The following RARB variants were observed in gnomAD, a reference collection of about 807,000 sequenced individuals.
RARB encodes retinoic acid receptor beta, also known as HBV-activated protein.
A neutral mutation model predicts 51.9 loss-of-function variants in RARB; 17 were observed. The observed-to-expected ratio is 0.33, with a 90% CI of 0.22 to 0.49. The LOEUF is 0.49. Ranked by LOEUF, RARB falls within the 20% of genes least tolerant of loss-of-function variation. RARB has a pLI of 0.99. For missense variants in RARB, 369 were observed against 550.8 expected (o/e 0.67, Z 3.30); for synonymous variants, 215 against 195.4 (o/e 1.10, Z -0.84).
intron 5 of RARB, among the ~76,000 whole-genome samples, chr3:25,587,115 A>G (rs1284815930): frequency 1.3e-5 from 2 of 152,008 alleles, no homozygotes; most frequent in Non-Finnish European, 2.9e-5. Flanking sequence ...TCACCAATTG[A>G]ATAAGTAGAA....
intron 2 of RARB, among the ~76,000 whole-genome samples, chr3:25,485,480 A>C (rs973225686): frequency 1.3e-5 from 2 of 152,212 alleles, no homozygotes; most frequent in Non-Finnish European, 2.9e-5. Context: ...TTTAAAGGCC[A>C]ATGTGCAACA....
At chr3:25,260,527 A>G (rs1225091249) in intron 5 of RARB, among the ~76,000 whole-genome samples, 2 of 152,130 alleles carry the variant, frequency 1.3e-5, no homozygotes, top group Non-Finnish European at 2.9e-5. Context: ...TTCTTAATCA[A>G]AAATCCGAGA....
chr3:25,231,619 G>A (rs1055656966), intron 5 of RARB, among the ~76,000 whole-genome samples: 4 of 152,026 alleles, frequency 2.6e-5, no homozygotes, highest in Non-Finnish European at 4.4e-5. Context: ...TTTTAAATTA[G>A]CCATTCTAGT....
intron 5 of RARB, among the ~76,000 whole-genome samples, chr3:25,330,631 T>C (rs1445718549): frequency 6.6e-6 from 1 of 152,146 alleles, no homozygotes; most frequent in East Asian, 1.9e-4. Context: ...CCAGCTAACA[T>C]CATAATGACA....
intron 1 of RARB, among the ~76,000 whole-genome samples, chr3:25,455,410 A>T (rs974763507): frequency 3.9e-5 from 6 of 152,178 alleles, no homozygotes; most frequent in African/African-American, 1.4e-4. Context: ...TAACCTCAAG[A>T]ATTCCCCTGC....
intron 5 of RARB, among the ~76,000 whole-genome samples, chr3:25,373,138 C>A (rs1483289510): frequency 6.6e-6 from 1 of 152,116 alleles, no homozygotes; most frequent in Non-Finnish European, 1.5e-5. Flanking sequence ...AACAGTCAAG[C>A]AGGCTGTTAG....
chr3:25,067,632 C>T (rs62228539), intron 3 of RARB, among the ~76,000 whole-genome samples: 11,766 of 152,178 alleles, frequency 0.077, 489 homozygotes, highest in Middle Eastern at 0.1. Context: ...AGTACCATAC[C>T]TACCCTGTAA....
At chr3:25,554,454 T>C (rs1427654010) in intron 3 of RARB, among the ~76,000 whole-genome samples, 1 of 152,116 alleles carries the variant, frequency 6.6e-6, no homozygotes, top group Admixed American at 6.6e-5. Flanking sequence ...TGTGCGTTTG[T>C]TGACGTGTAG....
chr3:24,839,452 C>T (rs1048421758), intron 1 of RARB, among the ~76,000 whole-genome samples: 4 of 151,402 alleles, frequency 2.6e-5, no homozygotes, highest in East Asian at 1.9e-4. Context: ...CCTATGATCC[C>T]GACACTTTGG....
At chr3:25,084,179 T>G (rs922444168) in intron 3 of RARB, among the ~76,000 whole-genome samples, 3 of 152,204 alleles carry the variant, frequency 2.0e-5, no homozygotes, top group Non-Finnish European at 2.9e-5. Context: ...GTGTTCCAGT[T>G]GACTCCTCCT....
At chr3:25,251,590 T>C (rs960448950) in intron 5 of RARB, among the ~76,000 whole-genome samples, 4 of 152,206 alleles carry the variant, frequency 2.6e-5, no homozygotes, top group African/African-American at 9.6e-5. Context: ...GTGGTTTTGG[T>C]TGGCATTTTC....
intron 5 of RARB, among the ~76,000 whole-genome samples, chr3:25,398,838 A>G (rs190758429): frequency 1.3e-5 from 2 of 152,348 alleles, no homozygotes; most frequent in Admixed American, 6.5e-5. Context: ...AAAATTATCT[A>G]CATTAATATA....
chr3:24,860,713 C>G (rs970799066), intron 2 of RARB, among the ~76,000 whole-genome samples: 6 of 152,038 alleles, frequency 3.9e-5, no homozygotes, highest in African/African-American at 1.4e-4. Flanking sequence ...TAGAATACCC[C>G]CTAAGTATGT....
chr3:24,956,598 CTG>C (rs1696019473), intron 2 of RARB, among the ~76,000 whole-genome samples: 1 of 152,150 alleles, frequency 6.6e-6, no homozygotes, highest in South Asian at 2.1e-4. Flanking sequence ...TGGCTTGAAA[CTG>C]TACTCTGGGA....
intron 3 of RARB, among the ~76,000 whole-genome samples, chr3:25,510,142 C>T (rs368529362): frequency 7.9e-5 from 12 of 152,146 alleles, no homozygotes; most frequent in African/African-American, 2.7e-4. Context: ...GATTCAGTTT[C>T]CTGAGATTGA....
intron 5 of RARB, among the ~76,000 whole-genome samples, chr3:25,286,659 T>C (rs1703664016): frequency 6.6e-6 from 1 of 152,240 alleles, no homozygotes. Context: ...TATTTTTCTT[T>C]ATAATCCTTC....
chr3:24,855,299 G>C (rs1261576748), intron 1 of RARB, among the ~76,000 whole-genome samples: 1 of 152,166 alleles, frequency 6.6e-6, no homozygotes, highest in Admixed American at 6.5e-5. Context: ...AAACAGCAAA[G>C]GTCCTGGGGC....
intron 3 of RARB, among the ~76,000 whole-genome samples, chr3:25,513,749 CG>C (rs142384607): frequency 0.012 from 1,817 of 151,234 alleles, 15 homozygotes; most frequent in Non-Finnish European, 0.017. Context: ...AAAGGGAAAA[CG>C]GTGCCTATTA....
At chr3:25,590,328 C>T (rs1283117503) in intron 5 of RARB, among the ~76,000 whole-genome samples, 1 of 152,238 alleles carries the variant, frequency 6.6e-6, no homozygotes, top group Admixed American at 6.5e-5. Context: ...TTGCAATGTC[C>T]TAAATCCTGG....
Sources: allele counts gnomAD v4.1 joint callset (sites outside exome capture counted in the v4.1 genomes callset), GRCh38; gene constraint gnomAD v4.1.1; transcripts MANE v1.5; gene names NCBI Gene and HGNC (gene_info 2026-07-23, HGNC 2026-07-21).